Variants in ARFGEF2 observed in about 807,000 individuals in gnomAD.
ARFGEF2 encodes ARF guanine nucleotide exchange factor 2, also known as brefeldin A-inhibited guanine nucleotide-exchange protein 2.
In ARFGEF2, 74 loss-of-function variants were observed where a neutral mutation model predicts 219.9. The ratio of observed to expected loss-of-function variants is 0.34; its 90% CI spans 0.28 to 0.41. The LOEUF (loss-of-function observed/expected upper bound fraction) is 0.41. Ranked by LOEUF, ARFGEF2 falls within the 10% of genes least tolerant of loss-of-function variation. The probability of loss-of-function intolerance (pLI) is 1.00; values close to 1 mark genes in which losing one functional copy is unlikely to be tolerated. For synonymous variants in ARFGEF2, 733 were observed against 799.2 expected (o/e 0.92, Z 1.40); for missense variants, 1,743 against 2,218.3 (o/e 0.79, Z 4.30).
chr20:48,978,340 G>A (rs1306831387), intron 14 of ARFGEF2, among the ~76,000 whole-genome samples: 1 of 152,196 alleles, frequency 6.6e-6, no homozygotes, highest in Non-Finnish European at 1.5e-5. Flanking sequence ...CTGTCTCTCT[G>A]TTTTGGTACC....
At chr20:48,988,252 C>T (rs1177358996) in intron 16 of ARFGEF2, 52 bp from the exon 17 acceptor site, 6 of 1,344,398 alleles carry the variant, frequency 4.5e-6, no homozygotes, top group Admixed American at 3.4e-5. Flanking sequence ...TAGCATTGTA[C>T]CTTCCAAACC....
intron 14 of ARFGEF2, among the ~76,000 whole-genome samples, chr20:48,976,836 G>A (rs1336959003): frequency 6.6e-6 from 1 of 152,032 alleles, no homozygotes; most frequent in African/African-American, 2.4e-5. Flanking sequence ...CTGCCTGAGG[G>A]AATCACCATT....
At chr20:48,972,782 C>A (rs534008060) in intron 11 of ARFGEF2, among the ~76,000 whole-genome samples, 72 of 152,322 alleles carry the variant, frequency 4.7e-4, no homozygotes, top group African/African-American at 1.7e-3. Context: ...ATTTACCTTA[C>A]ACTATACAAT....
intron 36 of ARFGEF2, among the ~76,000 whole-genome samples, chr20:49,027,860 G>A (rs2091612527): frequency 6.6e-6 from 1 of 152,208 alleles, no homozygotes; most frequent in East Asian, 1.9e-4. Context: ...AGGCTCAGTG[G>A]CTCATGTCTG....
chr20:48,966,296 T>G (rs2091186537), intron 8 of ARFGEF2, among the ~76,000 whole-genome samples: 1 of 152,226 alleles, frequency 6.6e-6, no homozygotes. Flanking sequence ...CAAAATAGTA[T>G]ACATTCATTA....
chr20:48,974,056 G>A (rs1399348011), intron 12 of ARFGEF2, among the ~76,000 whole-genome samples: 1 of 149,828 alleles, frequency 6.7e-6, no homozygotes, highest in Admixed American at 6.7e-5. Flanking sequence ...CATAATTCAA[G>A]GTTCTTTTCT....
At position 48,971,205 on chromosome 20, in the gene ARFGEF2, G is replaced by A. The variant is rs566630105; in HGVS notation, c.1276G>A (p.Glu426Lys). ...QNAGPVFRTHEMFINAIKQYL... is the reference protein window; with the variant it reads ...QNAGPVFRTHKMFINAIKQYL... Reference sequence around the variant, plus strand: ...TGCTGGCCCCGTATTCAGGACTCACGAGATGTTCATCAATGCAATCAAGCA... The same window carrying A: ...TGCTGGCCCCGTATTCAGGACTCACAAGATGTTCATCAATGCAATCAAGCA... The change falls in exon 10 of 39, where the codon GAG (glutamate) becomes AAG (lysine). Residue 426 changes from glutamate (E) to lysine (K), a missense_variant. Around this residue, in one of 5 missense-constraint regions of ARFGEF2, gnomAD observed 666 missense variants for 955.4 expected, o/e 0.70. Coordinates refer to ENST00000371917, the MANE Select transcript of ARFGEF2 (RefSeq NM_006420.3). 6.8e-6 allele frequency: 11 copies of A among 1,614,058 alleles called. No individual in the cohort carries two copies. Among genetic ancestry groups the A allele is most frequent in the South Asian group, 1.1e-5 (1 of 91,080 alleles).
In ARFGEF2 at chr20:48,994,515, A is replaced by G. The variant is rs1357379635; in HGVS notation, c.3038A>G (p.Tyr1013Cys). 2 of 1,614,056 alleles carry G rather than the reference A, an allele frequency of 1.2e-6. No homozygotes were observed. Among genetic ancestry groups the G allele is most frequent in the East Asian group, 2.2e-5 (1 of 44,878 alleles). The part of the protein sequence containing the change: ...QLIGTGVKTR[Y>C]LSGSGREREG... ...ATAGGAACCGGTGTGAAGACGCGCT[A>G]CCTGTCTGGATCTGGGCGTGAAAGA... Residue 1013 changes from tyrosine to cysteine, a missense_variant, in exon 22 of 39, where the codon TAC becomes TGC. By Grantham distance (194) the Tyr-to-Cys change is radical (BLOSUM62 -2). Transcript: ENST00000371917.
chr20:48,950,794 TAAAA>T (rs1308938052), intron 3 of ARFGEF2, among the ~76,000 whole-genome samples: 160 of 35,844 alleles, frequency 4.5e-3, no homozygotes, highest in Non-Finnish European at 7.1e-3. Context: ...AGACCCTGTC[TAAAA>T]AAAAAAAAAA....
intron 1 of ARFGEF2, among the ~76,000 whole-genome samples, chr20:48,927,681 C>T (rs2090886751): frequency 6.6e-6 from 1 of 150,464 alleles, no homozygotes; most frequent in African/African-American, 2.4e-5. Flanking sequence ...GAGCGAGACT[C>T]TGTCTCAAAA....
intron 6 of ARFGEF2, among the ~76,000 whole-genome samples, chr20:48,961,299 G>T (rs2091149153): frequency 6.7e-6 from 1 of 149,382 alleles, no homozygotes; most frequent in Non-Finnish European, 1.5e-5. Context: ...TAAATTTTTA[G>T]GTTTTTAAAA....
At chr20:48,986,458 G>A (rs1375417540) in intron 16 of ARFGEF2, among the ~76,000 whole-genome samples, 2 of 151,842 alleles carry the variant, frequency 1.3e-5, no homozygotes, top group Admixed American at 6.6e-5. Flanking sequence ...GTGAAATCCC[G>A]TCTCTTCCAA....
chr20:49,017,502 G>A lies in ARFGEF2; in HGVS notation c.4461G>A (p.Leu1487=). Residue 1487 remains leucine, a synonymous_variant, in exon 33 of 39, where the codon CTG becomes CTA. Coordinates refer to ENST00000371917, the MANE Select transcript of ARFGEF2 (RefSeq NM_006420.3). ...TCTCTATTTTTTTCTTCAGTTTGCTGACATGGAGACCTGTAGGAATGGAGG... is the reference window on the plus strand; with the variant it reads ...TCTCTATTTTTTTCTTCAGTTTGCTAACATGGAGACCTGTAGGAATGGAGG... ...IFKTTIPHVL[L]TWRPVGMEED... 6.2e-7 allele frequency: 1 copy of A among 1,613,568 alleles called. No individual in the cohort carries two copies. The highest frequency in any genetic ancestry group is 8.5e-7 in the Non-Finnish European group (1 of 1,179,828).
intron 7 of ARFGEF2, among the ~76,000 whole-genome samples, chr20:48,964,594 A>G (rs1025067862): frequency 1.3e-5 from 2 of 152,244 alleles, no homozygotes; most frequent in African/African-American, 4.8e-5. Context: ...GGGACAGTCC[A>G]CATGTCAGCA....
At position 49,033,150 on chromosome 20, in the gene ARFGEF2, T is replaced by G. The variant is rs760729763; in HGVS notation, c.5309T>G (p.Ile1770Arg). 3.7e-6 allele frequency: 6 copies of G among 1,614,228 alleles called. No homozygotes were observed. The East Asian group carries it at 1.3e-4, about 36-fold the overall frequency. The change falls in exon 39 of 39, where the codon ATA becomes AGA. Residue 1770 changes from isoleucine (I) to arginine (R), a missense_variant. By Grantham distance (97) the Ile-to-Arg change is moderately conservative. Transcript: ENST00000371917. ...ATAGGTGTTGTGTATAAGATATGGA[T>G]ACCAGAAGAGCCATCACAGGTACCA... ...LRIGVVYKIW[I>R]PEEPSQVPAA...
intron 25 of ARFGEF2, among the ~76,000 whole-genome samples, chr20:48,999,836 C>T (rs1600645228): frequency 6.6e-6 from 1 of 151,912 alleles, no homozygotes; most frequent in Middle Eastern, 3.5e-3. Context: ...ATAACAGCTT[C>T]CTACCAAAAC....
chr20:49,010,558 A>G lies in ARFGEF2; in HGVS notation c.3757+154A>G, dbSNP rs6095395. On this transcript the variant is annotated intron_variant, in intron 27 of 38. Transcript: ENST00000371917. ...GCCGTGTTGTAAGCGCTTGATGAGT[A>G]TTAATCTTGATCTTAACTCTGTTTT... Among the ~76,000 whole-genome samples the G allele has an allele frequency of 0.35, 53,294 of 152,038 alleles. 10,133 individuals carry two copies. Among genetic ancestry groups the G allele is most frequent in the African/African-American group, 0.51 (21,115 of 41,440 alleles).
intron 36 of ARFGEF2, 122 bp downstream of exon 36, chr20:49,025,603 C>A: frequency 9.1e-7 from 1 of 1,096,548 alleles, no homozygotes; most frequent in Non-Finnish European, 1.4e-6. Flanking sequence ...TATTTTCATG[C>A]TTGAGGGGGA....
intron 6 of ARFGEF2, among the ~76,000 whole-genome samples, chr20:48,954,355 T>C (rs1402222415): frequency 2.6e-5 from 4 of 152,204 alleles, no homozygotes; most frequent in African/African-American, 9.6e-5. Flanking sequence ...ATTCTTAAAG[T>C]AAATGAAATG....
Sources: allele counts gnomAD v4.1 joint callset (sites outside exome capture counted in the v4.1 genomes callset), GRCh38; gene constraint gnomAD v4.1.1; regional missense constraint gnomAD v4.1.1; transcripts MANE v1.5; gene names NCBI Gene and HGNC (gene_info 2026-07-23, HGNC 2026-07-21).